CCDC6: variants seen among roughly 807,000 people sequenced by gnomAD.
The protein encoded by CCDC6 is coiled-coil domain-containing protein 6.
Under a neutral mutation model 56.6 loss-of-function variants are expected in CCDC6, and 20 were observed. The observed-to-expected ratio is 0.35, with a 90% CI of 0.25 to 0.51. CCDC6 has a LOEUF of 0.51. Ranked by LOEUF, CCDC6 falls within the 20% of genes least tolerant of loss-of-function variation. The pLI is 0.95. For synonymous variants in CCDC6, 241 were observed against 234.4 expected, an observed-to-expected ratio of 1.03 and a Z score of -0.26; for missense variants, 367 against 601.1, an observed-to-expected ratio of 0.61 and a Z score of 4.07.
intron 3 of CCDC6, among the ~76,000 whole-genome samples, chr10:59,815,300 T>C (rs1191232399): frequency 2.0e-5 from 3 of 152,216 alleles, no homozygotes; most frequent in Non-Finnish European, 4.4e-5. Flanking sequence ...TAGGTTACTC[T>C]AAGGATTTAG....
intron 1 of CCDC6, among the ~76,000 whole-genome samples, chr10:59,866,871 A>G (rs1211302185): frequency 3.3e-5 from 5 of 152,212 alleles, no homozygotes; most frequent in Non-Finnish European, 7.3e-5. Context: ...GTGCCTGAAC[A>G]TCACAAAGCA....
Position 59,824,685 on chromosome 10 carries a change from G to T in CCDC6, c.582+7840C>A, listed in dbSNP as rs188583039. On this transcript the variant is annotated intron_variant, in intron 3 of 8. Coordinates refer to ENST00000263102, the MANE Select transcript of CCDC6 (RefSeq NM_005436.5). ...AAAAGAGAGGAAGAGAAAAGAGGAG[G>T]AGGAGGAGGAGAAGATGAAGAAAAA... 3.5e-3 allele frequency among the ~76,000 whole-genome samples: 534 copies of T among 152,290 alleles called. 8 individuals are homozygous for T. Among genetic ancestry groups the T allele is most frequent in the Non-Finnish European group, 3.4e-3 (234 of 68,032 alleles).
chr10:59,859,199 C>CGTGTGTGT lies in CCDC6; in HGVS notation c.304-6505_304-6498dup, dbSNP rs66648240. Among the ~76,000 whole-genome samples the CGTGTGTGT allele has an allele frequency of 9.4e-3, 1,296 of 137,242 alleles. 18 individuals carry two copies. The highest frequency in any genetic ancestry group is 0.024 in the African/African-American group (903 of 37,326). The allele number at this position is 137,242 out of a possible 152,430, so 90.0% of individuals were successfully genotyped here. A position where few individuals can be genotyped will look rare whatever the true frequency, so the allele number is the denominator to read the frequency against. ...CTGGAAAAAAAAATACATGTGTGTG[C>CGTGTGTGT]GTGTGTGTGTGTGTGTGTGTGTGTG... On this transcript the variant is annotated intron_variant, in intron 1 of 8. Coordinates refer to ENST00000263102, the MANE Select transcript of CCDC6 (RefSeq NM_005436.5).
intron 7 of CCDC6, among the ~76,000 whole-genome samples, chr10:59,800,612 G>GT (rs34676439): frequency 0.4 from 58,334 of 145,066 alleles, 11,428 homozygotes; most frequent in South Asian, 0.49. Context: ...TTGTATTAAA[G>GT]TTTTTTTTTT....
At chr10:59,833,277 T>C (rs1460974774) in intron 2 of CCDC6, among the ~76,000 whole-genome samples, 1 of 152,100 alleles carries the variant, frequency 6.6e-6, no homozygotes, top group East Asian at 1.9e-4. Flanking sequence ...AGTGAAACTC[T>C]GTCTTTACTA....
At chr10:59,857,599 C>T (rs1345720011) in intron 1 of CCDC6, among the ~76,000 whole-genome samples, 1 of 152,070 alleles carries the variant, frequency 6.6e-6, no homozygotes, top group Non-Finnish European at 1.5e-5. Context: ...AAATTACAAA[C>T]ATCTATTTGA....
intron 3 of CCDC6, 42 bp from the exon 4 acceptor site, chr10:59,814,797 T>C (rs1175130359): frequency 1.6e-6 from 2 of 1,243,814 alleles, no homozygotes; most frequent in Non-Finnish European, 2.4e-6. Flanking sequence ...TCAGGCCACT[T>C]ATACTTTGTT....
intron 1 of CCDC6, among the ~76,000 whole-genome samples, chr10:59,902,144 AGAT>A (rs1381698375): frequency 6.6e-6 from 1 of 152,194 alleles, no homozygotes; most frequent in Non-Finnish European, 1.5e-5. Context: ...TGTCTCCCAC[AGAT>A]GATGTTTACC....
At chr10:59,840,265 T>C (rs962402550) in intron 2 of CCDC6, among the ~76,000 whole-genome samples, 1 of 152,250 alleles carries the variant, frequency 6.6e-6, no homozygotes, top group Non-Finnish European at 1.5e-5. Flanking sequence ...AATTAGGTAC[T>C]ACCAAATTGT....
At chr10:59,801,755 TTTA>T (rs2070578190) in intron 7 of CCDC6, among the ~76,000 whole-genome samples, 1 of 152,170 alleles carries the variant, frequency 6.6e-6, no homozygotes, top group Non-Finnish European at 1.5e-5. Context: ...TGAATTATAT[TTTA>T]TTATATTAAA....
chr10:59,881,681 G>A (rs899902779), intron 1 of CCDC6, among the ~76,000 whole-genome samples: 2 of 152,176 alleles, frequency 1.3e-5, no homozygotes, highest in Admixed American at 1.3e-4. Context: ...TGATCAACAG[G>A]TAGTATGCAT....
In CCDC6 at chr10:59,841,692, C is replaced by T. The variant is rs1326718100; in HGVS notation, c.454-9039G>A. Among the ~76,000 whole-genome samples, 6 of 150,324 alleles carry T rather than the reference C, an allele frequency of 4.0e-5. No homozygotes were observed. In the South Asian group the frequency reaches 8.4e-4, roughly 21 times the overall value. ...TTTTGTTTGTTTTTTTTTTTTGAGA[C>T]GGAGTCACTCTGTCGCCCAGGCTGG... is the stretch of plus-strand genomic sequence containing the variant. On this transcript the variant is annotated intron_variant, in intron 2 of 8. Transcript: ENST00000263102.
chr10:59,897,609 GA>G (rs1412310085), intron 1 of CCDC6, among the ~76,000 whole-genome samples: 9 of 152,038 alleles, frequency 5.9e-5, no homozygotes, highest in African/African-American at 2.2e-4. Flanking sequence ...TTCATGAGTT[GA>G]AAAGTTATCT....
chr10:59,905,918 C>G (rs1201191431), intron 1 of CCDC6, among the ~76,000 whole-genome samples: 1 of 152,186 alleles, frequency 6.6e-6, no homozygotes, highest in Admixed American at 6.5e-5. Flanking sequence ...CAAGGGTCCT[C>G]AGACCCCCGA....
intron 3 of CCDC6, among the ~76,000 whole-genome samples, chr10:59,818,436 G>C (rs1052331478): frequency 7.0e-6 from 1 of 143,648 alleles, no homozygotes; most frequent in African/African-American, 2.6e-5. Flanking sequence ...GCTCAGCCGT[G>C]TGGATTCTCA....
chr10:59,799,426 G>T (rs569692346), intron 7 of CCDC6, among the ~76,000 whole-genome samples: 1 of 151,968 alleles, frequency 6.6e-6, no homozygotes, highest in Non-Finnish European at 1.5e-5. Context: ...ACTCTATCTC[G>T]AAAAAAGAAA....
chr10:59,815,198 C>T (rs192118083), intron 3 of CCDC6, among the ~76,000 whole-genome samples: 1 of 152,286 alleles, frequency 6.6e-6, no homozygotes, highest in East Asian at 1.9e-4. Context: ...AAACACTCTA[C>T]ATACTGGCTA....
At chr10:59,838,829 GTCTGAATCCC>G (rs1190187369) in intron 2 of CCDC6, among the ~76,000 whole-genome samples, 2 of 152,064 alleles carry the variant, frequency 1.3e-5, no homozygotes, top group Non-Finnish European at 2.9e-5. Context: ...TGCCTATAGG[GTCTGAATCCC>G]TCCCCTCAAT....
chr10:59,790,977 C>A lies in CCDC6; in HGVS notation c.*1940G>T, dbSNP rs1051705867. On this transcript the variant is annotated 3_prime_UTR_variant, in exon 9 of 9. Transcript: ENST00000263102. Reference sequence around the variant, plus strand: ...CTTATAAACATATACCATATTTCTCCTATAAGAAAAACTGAGAACTGTACC... The same window carrying A: ...CTTATAAACATATACCATATTTCTCATATAAGAAAAACTGAGAACTGTACC... The A allele has an allele frequency of 1.3e-4, 27 of 203,332 alleles. No individual in the cohort carries two copies. The highest frequency in any genetic ancestry group is 6.2e-4 in the African/African-American group (27 of 43,666). The allele number at this position is 203,332 out of a possible 1,614,324, so 12.6% of individuals were successfully genotyped here.
Sources: allele counts gnomAD v4.1 joint callset (sites outside exome capture counted in the v4.1 genomes callset), GRCh38; gene constraint gnomAD v4.1.1; transcripts MANE v1.5; gene names NCBI Gene and HGNC (gene_info 2026-07-23, HGNC 2026-07-21).